AKR1C8: variants seen among roughly 807,000 people sequenced by gnomAD.
AKR1C8 encodes the protein aldo-keto reductase family 1 member C8.
At chr10:5,152,456 T>C in the AKR1C8 span, among the ~76,000 whole-genome samples, 1 of 152,210 alleles carries the variant, frequency 6.6e-6, no homozygotes, top group East Asian at 1.9e-4. Flanking sequence ...ATGTATAAAC[T>C]GCTCAGAAAA....
the AKR1C8 span, among the ~76,000 whole-genome samples, chr10:5,126,444 G>C: frequency 9.2e-5 from 14 of 152,058 alleles, no homozygotes; most frequent in African/African-American, 3.4e-4. Flanking sequence ...CTGTCAACCT[G>C]GTATGGGAGC....
the AKR1C8 span, among the ~76,000 whole-genome samples, chr10:5,139,376 C>T: frequency 2.0e-5 from 3 of 152,178 alleles, no homozygotes; most frequent in Non-Finnish European, 2.9e-5. Flanking sequence ...AAGCTGGAGG[C>T]ATTATGCTAC....
chr10:5,129,281 T>A, the AKR1C8 span, among the ~76,000 whole-genome samples: 2 of 152,050 alleles, frequency 1.3e-5, no homozygotes, highest in African/African-American at 2.4e-5. Flanking sequence ...AAAGCAGTGC[T>A]AAGAGGCAAG....
At chr10:5,123,818 C>T in the AKR1C8 span, 11 of 1,609,930 alleles carry the variant, frequency 6.8e-6, no homozygotes, top group Admixed American at 1.5e-4. Flanking sequence ...GATGACATTC[C>T]ACCTGCAGAT....
chr10:5,174,686 A>G, the AKR1C8 span, among the ~76,000 whole-genome samples: 1 of 152,102 alleles, frequency 6.6e-6, no homozygotes, highest in African/African-American at 2.4e-5. Flanking sequence ...TACCATTATG[A>G]TATATAATTG....
chr10:5,184,023 T>C, the AKR1C8 span, among the ~76,000 whole-genome samples: 2 of 152,198 alleles, frequency 1.3e-5, no homozygotes, highest in African/African-American at 4.8e-5. Flanking sequence ...TCCTTTCCTT[T>C]TGTGGACATG....
the AKR1C8 span, among the ~76,000 whole-genome samples, chr10:5,175,661 T>G: frequency 6.6e-6 from 1 of 152,176 alleles, no homozygotes; most frequent in Non-Finnish European, 1.5e-5. Context: ...TTTTAATGAT[T>G]GCCATTCTAA....
chr10:5,116,722 G>C, the AKR1C8 span, among the ~76,000 whole-genome samples: 1 of 152,174 alleles, frequency 6.6e-6, no homozygotes, highest in Admixed American at 6.5e-5. Context: ...TCTGCCCACT[G>C]GGAAGATTTC....
the AKR1C8 span, among the ~76,000 whole-genome samples, chr10:5,120,326 C>A: frequency 1.3e-5 from 2 of 152,150 alleles, no homozygotes; most frequent in African/African-American, 2.4e-5. Context: ...CTGATTACCA[C>A]TCCACACTCT....
chr10:5,149,131 A>T, the AKR1C8 span, among the ~76,000 whole-genome samples: 1 of 152,100 alleles, frequency 6.6e-6, no homozygotes, highest in Non-Finnish European at 1.5e-5. Context: ...ATGAAAACAT[A>T]ATTTTGTTGA....
At chr10:5,132,799 T>C in the AKR1C8 span, 1 of 993,172 alleles carries the variant, frequency 1.0e-6, no homozygotes, top group East Asian at 2.7e-5. Flanking sequence ...TAGTATTTGG[T>C]GATCAATGTG....
the AKR1C8 span, among the ~76,000 whole-genome samples, chr10:5,181,746 G>T: frequency 6.6e-6 from 1 of 152,014 alleles, no homozygotes; most frequent in African/African-American, 2.4e-5. Context: ...TTAAACTATT[G>T]TAAACCACAG....
At chr10:5,135,738 A>G in the AKR1C8 span, among the ~76,000 whole-genome samples, 1 of 138,492 alleles carries the variant, frequency 7.2e-6, no homozygotes, top group African/African-American at 2.8e-5. Flanking sequence ...ATGATCAATC[A>G]TTGTACATCT....
At chr10:5,123,355 A>T in the AKR1C8 span, 1 of 294,542 alleles carries the variant, frequency 3.4e-6, no homozygotes, top group Non-Finnish European at 6.9e-6. Flanking sequence ...AGCACAGAGC[A>T]ATCAGGGCTG....
At chr10:5,178,114 T>C in the AKR1C8 span, among the ~76,000 whole-genome samples, 2 of 152,160 alleles carry the variant, frequency 1.3e-5, no homozygotes, top group Admixed American at 1.3e-4. Context: ...CTTGTGGGCA[T>C]TTAGTGCTAT....
At chr10:5,160,815 C>T in the AKR1C8 span, 30 of 471,008 alleles carry the variant, frequency 6.4e-5, no homozygotes, top group Non-Finnish European at 1.1e-4. Context: ...AACATACCTC[C>T]CAAGTGTCAC....
the AKR1C8 span, among the ~76,000 whole-genome samples, chr10:5,165,040 A>T: frequency 0.11 from 16,295 of 152,150 alleles, 1,298 homozygotes; most frequent in African/African-American, 0.21. Context: ...ATAGGTACTG[A>T]TTTTGTGATT....
the AKR1C8 span, among the ~76,000 whole-genome samples, chr10:5,173,227 A>G: frequency 3.3e-5 from 5 of 152,232 alleles, no homozygotes; most frequent in Admixed American, 2.0e-4. Flanking sequence ...CTTTTCTAGG[A>G]AAACAAGATT....
the AKR1C8 span, among the ~76,000 whole-genome samples, chr10:5,169,710 C>T: frequency 6.6e-6 from 1 of 151,530 alleles, no homozygotes; most frequent in Non-Finnish European, 1.5e-5. Context: ...AGTATATAGT[C>T]CTACCGCAAA....
Sources: allele counts gnomAD v4.1 joint callset (sites outside exome capture counted in the v4.1 genomes callset), GRCh38; gene constraint gnomAD v4.1.1; transcripts MANE v1.5; gene names NCBI Gene and HGNC (gene_info 2026-07-23, HGNC 2026-07-21).